Variants in TASP1 observed in about 807,000 individuals in gnomAD.
TASP1 encodes the protein taspase 1, also known as threonine aspartase 1.
A neutral mutation model predicts 56.6 loss-of-function variants in TASP1; 16 were observed. The observed-to-expected ratio is 0.28, with a 90% CI of 0.19 to 0.43. The LOEUF (loss-of-function observed/expected upper bound fraction) is 0.43. TASP1 is among the 20% of genes least tolerant of loss of function. The pLI is 1.00. For missense variants in TASP1, 393 were observed against 511.6 expected, an observed-to-expected ratio of 0.77 and a Z score of 2.24; for synonymous variants, 179 against 184.2, an observed-to-expected ratio of 0.97 and a Z score of 0.23.
chr20:13,458,957 T>C (rs558071316), intron 11 of TASP1, among the ~76,000 whole-genome samples: 10 of 152,198 alleles, frequency 6.6e-5, no homozygotes, highest in African/African-American at 2.2e-4. Flanking sequence ...ACAATATTCA[T>C]GTCATGCCTG....
the TASP1 span, chr20:13,169,184 G>A: frequency 6.6e-6 from 1 of 152,138 alleles, no homozygotes; most frequent in Non-Finnish European, 1.5e-5. Flanking sequence ...ATTCCACTGG[G>A]AAAATTGGTA....
At chr20:13,297,764 C>G in the TASP1 span, among the ~76,000 whole-genome samples, 1 of 152,190 alleles carries the variant, frequency 6.6e-6, no homozygotes, top group East Asian at 1.9e-4. Context: ...ATTGGAATAA[C>G]CTAATTCTTA....
At chr20:13,484,249 T>G (rs2043242831) in intron 10 of TASP1, among the ~76,000 whole-genome samples, 1 of 152,226 alleles carries the variant, frequency 6.6e-6, no homozygotes. Flanking sequence ...GATAGTCTGG[T>G]GATTCCTCAA....
Position 13,413,268 on chromosome 20 carries a change from T to C in TASP1, c.1170+4180A>G, listed in dbSNP as rs137966687. Among the ~76,000 whole-genome samples, 1,093 of 152,228 alleles carry C rather than the reference T, an allele frequency of 7.2e-3. 6 individuals carry two copies. The highest frequency in any genetic ancestry group is 0.013 in the Non-Finnish European group (871 of 68,016). On this transcript the variant is annotated intron_variant, in intron 13 of 13. Transcript: ENST00000337743. ...CTGTGCTTTCCCTAGGTGAGGGAAA[T>C]ATGGTATGGGCAACATCTGTCCTGT...
the TASP1 span, among the ~76,000 whole-genome samples, chr20:13,274,774 A>G: frequency 2.0e-5 from 3 of 151,848 alleles, no homozygotes; most frequent in Non-Finnish European, 2.9e-5. Context: ...CCCAGAAGTC[A>G]GGCAGCCTCG....
the TASP1 span, among the ~76,000 whole-genome samples, chr20:13,361,191 T>C: frequency 3.1e-3 from 465 of 152,250 alleles, 1 homozygote; most frequent in East Asian, 0.01. Flanking sequence ...CAACATGCCC[T>C]GAGTCAGATA....
At chr20:13,565,110 G>A (rs904629991) in intron 7 of TASP1, among the ~76,000 whole-genome samples, 5 of 151,758 alleles carry the variant, frequency 3.3e-5, no homozygotes, top group African/African-American at 1.2e-4. Flanking sequence ...TATGGTCAAC[G>A]ATTTGACGAG....
intron 4 of TASP1, among the ~76,000 whole-genome samples, chr20:13,601,382 C>A (rs1265780390): frequency 6.6e-6 from 1 of 151,958 alleles, no homozygotes; most frequent in Admixed American, 6.6e-5. Flanking sequence ...TATCAAAGGG[C>A]CACAAGGGCC....
At chr20:13,287,443 G>T in the TASP1 span, among the ~76,000 whole-genome samples, 1 of 152,162 alleles carries the variant, frequency 6.6e-6, no homozygotes, top group Admixed American at 6.5e-5. Context: ...TTCAAGGTAA[G>T]ATGTGGGTGG....
the TASP1 span, among the ~76,000 whole-genome samples, chr20:13,303,773 G>C: frequency 1.3e-5 from 2 of 152,206 alleles, no homozygotes; most frequent in East Asian, 3.8e-4. Context: ...ACAAATCAAA[G>C]TCCCTCCTCT....
chr20:13,140,327 C>A, the TASP1 span, among the ~76,000 whole-genome samples: 1 of 152,166 alleles, frequency 6.6e-6, no homozygotes, highest in Non-Finnish European at 1.5e-5. Flanking sequence ...TCACTCAGCT[C>A]TCCTTGGGTA....
intron 11 of TASP1, among the ~76,000 whole-genome samples, chr20:13,444,611 A>T (rs2043335218): frequency 6.6e-6 from 1 of 152,180 alleles, no homozygotes; most frequent in South Asian, 2.1e-4. Context: ...AAGATCAAGG[A>T]CTTTTTCTCT....
the TASP1 span, among the ~76,000 whole-genome samples, chr20:13,271,214 C>G: frequency 1.3e-5 from 2 of 152,132 alleles, no homozygotes; most frequent in Admixed American, 1.3e-4. Flanking sequence ...TCTAAACTTG[C>G]CTTGGACACC....
In TASP1 at chr20:13,587,252, C is replaced by T. The variant is rs767238093; in HGVS notation, c.401G>A (p.Ser134Asn). 10 of 1,609,888 alleles carry T rather than the reference C, an allele frequency of 6.2e-6. No homozygotes were observed. The highest frequency in any genetic ancestry group is 8.5e-6 in the Non-Finnish European group (10 of 1,178,542). The change falls in exon 5 of 14, where the codon AGT (serine) becomes AAT (asparagine). Residue 134 changes from serine (S) to asparagine (N), a missense_variant and splice_region_variant. Transcript: ENST00000337743. Reference protein sequence around the residue: ...SLNFGAVGALSGIKNPVSVAN... With the variant: ...SLNFGAVGALNGIKNPVSVAN... ...AGTAGGTCATAATGCCCACATACCA[C>T]TCAGTGCTCCAACTGCTCCAAAATT...
At chr20:13,358,304 G>A in the TASP1 span, among the ~76,000 whole-genome samples, 2 of 152,220 alleles carry the variant, frequency 1.3e-5, no homozygotes, top group African/African-American at 4.8e-5. Context: ...AGCCTGTTTG[G>A]TGGTCTCTTC....
chr20:13,480,098 T>C (rs1227866221), intron 11 of TASP1, among the ~76,000 whole-genome samples: 2 of 152,208 alleles, frequency 1.3e-5, no homozygotes, highest in Non-Finnish European at 2.9e-5. Flanking sequence ...AATTTTCCTT[T>C]TTCAATCCCA....
the TASP1 span, among the ~76,000 whole-genome samples, chr20:13,372,234 A>G: frequency 1.3e-5 from 2 of 152,202 alleles, no homozygotes; most frequent in Non-Finnish European, 2.9e-5. Flanking sequence ...AGATTGCCCT[A>G]TTCTGTGGGT....
the TASP1 span, among the ~76,000 whole-genome samples, chr20:13,183,755 C>T: frequency 6.6e-6 from 1 of 152,048 alleles, no homozygotes; most frequent in Non-Finnish European, 1.5e-5. Context: ...GTGGACCGGG[C>T]GTGGTGGCTC....
chr20:13,526,069 T>G (rs1388289873), intron 10 of TASP1, among the ~76,000 whole-genome samples: 1 of 152,170 alleles, frequency 6.6e-6, no homozygotes, highest in Non-Finnish European at 1.5e-5. Context: ...TACCTACCCA[T>G]TCCTTGCATT....
Sources: allele counts gnomAD v4.1 joint callset (sites outside exome capture counted in the v4.1 genomes callset), GRCh38; gene constraint gnomAD v4.1.1; transcripts MANE v1.5; gene names NCBI Gene and HGNC (gene_info 2026-07-23, HGNC 2026-07-21).